TMEM161B: variants seen among roughly 807,000 people sequenced by gnomAD.
TMEM161B encodes the protein transmembrane protein 161B.
In TMEM161B, 34 loss-of-function variants were observed where a neutral mutation model predicts 61.8. The observed-to-expected ratio is 0.55, with a 90% confidence interval of 0.42 to 0.73. The LOEUF is 0.73. TMEM161B is among the 30% of genes least tolerant of loss of function. TMEM161B has a pLI of 0.00. For synonymous variants in TMEM161B, 167 were observed against 192.8 expected, an observed-to-expected ratio of 0.87 and a Z score of 1.11; for missense variants, 456 against 558.5, an observed-to-expected ratio of 0.82 and a Z score of 1.85.
chr5:88,196,393 C>G lies in TMEM161B; in HGVS notation c.1282G>C (p.Ala428Pro). ...SNSVYSELPS[A>P]EGKMKVTVTQ... ...ACAGTTACCTTCATTTTCCCTTCAG[C>G]TGATGGTAATTCAGAGTAAACAGAA... is the stretch of plus-strand genomic sequence containing the variant. The change falls in exon 12 of 12, where the codon GCT becomes CCT. Residue 428 changes from alanine (A) to proline (P), a missense_variant. Physicochemically the swap from Ala to Pro is conservative, Grantham distance 27. Around this residue, in one of 3 missense-constraint regions of TMEM161B, gnomAD observed 367 missense variants for 427.3 expected, o/e 0.86. Transcript: ENST00000296595. The G allele has an allele frequency of 1.2e-6, 2 of 1,613,362 alleles. No individual in the cohort carries two copies. The highest frequency in any genetic ancestry group is 1.7e-4 in the Middle Eastern group (1 of 6,060).
chr5:88,226,442 G>A (rs1375253534), intron 3 of TMEM161B, among the ~76,000 whole-genome samples: 1 of 152,098 alleles, frequency 6.6e-6, no homozygotes, highest in Non-Finnish European at 1.5e-5. Context: ...CATATAGAAA[G>A]CAATAAACTA....
chr5:88,217,729 C>A (rs2112502642), intron 5 of TMEM161B, among the ~76,000 whole-genome samples: 1 of 151,942 alleles, frequency 6.6e-6, no homozygotes, highest in South Asian at 2.1e-4. Context: ...TCTGGCCTAC[C>A]CATATGATTC....
chr5:88,222,528 T>C (rs369354510), intron 4 of TMEM161B, among the ~76,000 whole-genome samples: 38 of 152,106 alleles, frequency 2.5e-4, no homozygotes, highest in African/African-American at 5.6e-4. Context: ...GTCAGGGAAG[T>C]GGATGGAAAG....
At chr5:88,240,991 CAT>C (rs1752643108) in intron 1 of TMEM161B, 75 bp from the exon 2 acceptor site, 2 of 1,011,180 alleles carry the variant, frequency 2.0e-6, no homozygotes, top group Non-Finnish European at 2.8e-6. Context: ...ACTTTCTGTA[CAT>C]TTTGAAAATT....
chr5:88,233,402 G>A (rs970888813), intron 2 of TMEM161B, among the ~76,000 whole-genome samples: 2 of 152,090 alleles, frequency 1.3e-5, no homozygotes, highest in African/African-American at 4.8e-5. Flanking sequence ...CAAAAGCACA[G>A]AGGCATGAAA....
At chr5:88,189,792 G>A in exon 13 of TMEM161B, 1 of 401,578 alleles carries the variant, frequency 2.5e-6, no homozygotes, top group Non-Finnish European at 4.6e-6. Flanking sequence ...TCTTTTAGAA[G>A]GGGTACATCT....
chr5:88,217,937 CATT>C (rs1026671021), intron 5 of TMEM161B, among the ~76,000 whole-genome samples: 4 of 149,228 alleles, frequency 2.7e-5, no homozygotes, highest in African/African-American at 9.8e-5. Context: ...CAAAATCTAT[CATT>C]AATATCTTAA....
intron 4 of TMEM161B, among the ~76,000 whole-genome samples, chr5:88,224,974 T>TG (rs1336700469): frequency 1.4e-5 from 2 of 144,068 alleles, no homozygotes; most frequent in East Asian, 2.0e-4. Flanking sequence ...TGTTTTTTTT[T>TG]TTTTTTTTTT....
chr5:88,230,910 A>G (rs1243311464), intron 2 of TMEM161B, among the ~76,000 whole-genome samples: 1 of 152,176 alleles, frequency 6.6e-6, no homozygotes, highest in Non-Finnish European at 1.5e-5. Flanking sequence ...GCACATGATT[A>G]GAGGGTCAGG....
chr5:88,230,778 G>C (rs1750857317), intron 2 of TMEM161B, among the ~76,000 whole-genome samples: 1 of 152,022 alleles, frequency 6.6e-6, no homozygotes, highest in Non-Finnish European at 1.5e-5. Flanking sequence ...CCAGTTCTTG[G>C]CACAGAGTTT....
At chr5:88,203,918 T>C (rs1226093551) in intron 8 of TMEM161B, among the ~76,000 whole-genome samples, 2 of 150,814 alleles carry the variant, frequency 1.3e-5, no homozygotes, top group Non-Finnish European at 3.0e-5. Context: ...CCTACAGAGA[T>C]AGATGGCTGA....
chr5:88,257,309 C>T (rs575755883), intron 1 of TMEM161B, among the ~76,000 whole-genome samples: 12 of 152,110 alleles, frequency 7.9e-5, no homozygotes, highest in African/African-American at 2.6e-4. Flanking sequence ...AAACACCTTT[C>T]CTTTTAACAA....
At chr5:88,194,131 A>T (rs1749270438), downstream of TMEM161B, among the ~76,000 whole-genome samples, 1 of 151,968 alleles carries the variant, frequency 6.6e-6, no homozygotes. Flanking sequence ...TAGTGTTTCA[A>T]CCCTCATTTC....
At chr5:88,187,618 T>C (rs1748430961), downstream of TMEM161B, among the ~76,000 whole-genome samples, 1 of 152,182 alleles carries the variant, frequency 6.6e-6, no homozygotes, top group Non-Finnish European at 1.5e-5. Context: ...TCATTGCTTG[T>C]ATTCTTACTT....
chr5:88,210,610 T>C (rs1421915614), intron 5 of TMEM161B, among the ~76,000 whole-genome samples: 1 of 152,068 alleles, frequency 6.6e-6, no homozygotes, highest in Non-Finnish European at 1.5e-5. Flanking sequence ...AACAGGATGA[T>C]TAGGTGAAAG....
At chr5:88,267,544 G>A (rs1429779198) in intron 1 of TMEM161B, among the ~76,000 whole-genome samples, 1 of 152,094 alleles carries the variant, frequency 6.6e-6, no homozygotes, top group Non-Finnish European at 1.5e-5. Context: ...CAGGACAGAA[G>A]CCTCTGCAAG....
chr5:88,199,084 C>T lies in TMEM161B; in HGVS notation c.981G>A (p.Leu327=), dbSNP rs572545951. 1.6e-4 allele frequency: 254 copies of T among 1,613,024 alleles called. 1 individual carries two copies. The highest frequency in any genetic ancestry group is 7.7e-4 in the Admixed American group (46 of 59,826). Reference sequence around the variant, plus strand: ...CTTGCAGGTGACTACGCATCATGGCCAACCGCAAAGCACACAGCAGGATTA... The same window carrying T: ...CTTGCAGGTGACTACGCATCATGGCTAACCGCAAAGCACACAGCAGGATTA... ...WLIILLCALR[L]AMMRSHLQAY... The change falls in exon 10 of 12, where the codon TTG becomes TTA. Residue 327 remains leucine (L), a synonymous_variant. Transcript: ENST00000296595.
intron 1 of TMEM161B, among the ~76,000 whole-genome samples, chr5:88,267,725 A>G (rs1385640793): frequency 6.6e-6 from 1 of 152,166 alleles, no homozygotes; most frequent in East Asian, 1.9e-4. Flanking sequence ...AGATAAGACT[A>G]AGGGTTGATC....
chr5:88,265,052 G>A (rs146407960), intron 1 of TMEM161B, among the ~76,000 whole-genome samples: 48 of 152,162 alleles, frequency 3.2e-4, no homozygotes, highest in African/African-American at 1.1e-3. Flanking sequence ...GTATACCTAT[G>A]TAACAAACCT....
Sources: gnomAD v4.1 joint callset for allele counts (sites outside exome capture counted in the v4.1 genomes callset) on GRCh38, gnomAD v4.1.1 for gene constraint, gnomAD v4.1.1 regional missense constraint, MANE v1.5 for transcripts, NCBI Gene and HGNC (gene_info 2026-07-23, HGNC 2026-07-21) for gene names.